Variants in TMEM176B observed in about 807,000 individuals in gnomAD.
The protein encoded by TMEM176B is transmembrane protein 176B, also known as LR8-like protein.
In TMEM176B, 28 loss-of-function variants were observed where a neutral mutation model predicts 30.3. The observed-to-expected ratio is 0.92, with a 90% CI of 0.68 to 1.27. The LOEUF is 1.27. Among genes scored for constraint, TMEM176B ranks in the 50% most tolerant of loss-of-function variants. TMEM176B has a pLI of 0.00. For synonymous variants in TMEM176B, 123 were observed against 130.3 expected (o/e 0.94, Z 0.38); for missense variants, 349 against 327.4 (o/e 1.07, Z -0.51).
intron 4 of TMEM176B, 52 bp from the exon 5 acceptor site, chr7:150,793,367 C>A: frequency 1.3e-6 from 2 of 1,558,388 alleles, no homozygotes; most frequent in South Asian, 2.3e-5. Flanking sequence ...GTGGAAGAGT[C>A]ATGAGGTCCC....
At chr7:150,792,278 G>T in intron 5 of TMEM176B, 103 bp from the exon 6 acceptor site, 1 of 1,474,116 alleles carries the variant, frequency 6.8e-7, no homozygotes, top group Non-Finnish European at 9.2e-7. Context: ...TATCCAGCTT[G>T]CTGCTCCCAC....
chr7:150,793,114 A>T lies in TMEM176B; in HGVS notation c.574T>A (p.Cys192Ser), dbSNP rs928182667. The change falls in exon 5 of 7, where the codon TGT (cysteine) becomes AGT (serine). Residue 192 changes from cysteine to serine, a missense_variant. Physicochemically the swap from Cys to Ser is moderately radical, Grantham distance 112 (BLOSUM62 -1). Transcript: ENST00000326442. ...SQENQWQKEE[C>S]RAYMQMLRKL... The stretch of plus-strand genomic sequence containing the variant: ...CTCAGCATCTGCATGTAAGCTCTAC[A>T]CTCCTCCTTCTGCCATTGGTTCTCT... 8 of 1,613,702 alleles carry T rather than the reference A, an allele frequency of 5.0e-6. No individual in the cohort carries two copies. The African/African-American group carries it at 9.4e-5, about 19-fold the overall frequency.
intron 1 of TMEM176B, 36 bp from the exon 2 acceptor site, chr7:150,796,610 G>C: frequency 6.2e-7 from 1 of 1,602,892 alleles, no homozygotes; most frequent in Non-Finnish European, 8.5e-7. Flanking sequence ...TGAGGTCTGG[G>C]AACTAGGCGA....
At chr7:150,792,203 T>C (rs747321431) in intron 5 of TMEM176B, 28 bp from the exon 6 acceptor site, 16 of 1,610,096 alleles carry the variant, frequency 9.9e-6, no homozygotes, top group Non-Finnish European at 1.3e-5. Flanking sequence ...ACAAAGATAG[T>C]CAGGTGTCAG....
chr7:150,791,378 C>T lies in TMEM176B; in HGVS notation c.*153G>A, dbSNP rs1287008804. On this transcript the variant is annotated 3_prime_UTR_variant, in exon 7 of 7. Coordinates refer to ENST00000326442, the MANE Select transcript of TMEM176B (RefSeq NM_001101312.2). ...ATATCTGTTCATGGACTTGAGAACC[C>T]CAGAGTGGGAACAGCAGGTGCGGAT... is the stretch of plus-strand genomic sequence containing the variant. The T allele has an allele frequency of 5.1e-6, 3 of 583,746 alleles. No individual in the cohort carries two copies. In the African/African-American group the frequency reaches 5.6e-5, roughly 11 times the overall value. 36.2% of individuals were successfully genotyped at this position (583,746 alleles called of 1,614,324 possible).
At position 150,793,353 on chromosome 7, in the gene TMEM176B, A is replaced by T. The variant is rs1445680121; in HGVS notation, c.373-38T>A. Reference sequence around the variant, plus strand: ...GAGGGTCATGACACACGCTCCTTCAATCGGTGGAAGAGTCATGAGGTCCCC... The same window carrying T: ...GAGGGTCATGACACACGCTCCTTCATTCGGTGGAAGAGTCATGAGGTCCCC... On this transcript the variant is annotated intron_variant, in intron 4 of 6. Transcript: ENST00000326442. 7 of 1,587,702 alleles carry T rather than the reference A, an allele frequency of 4.4e-6. 1 individual carries two copies. The highest frequency in any genetic ancestry group is 6.0e-6 in the Non-Finnish European group (7 of 1,162,320).
intron 1 of TMEM176B, among the ~76,000 whole-genome samples, chr7:150,799,723 G>T (rs759355086): frequency 6.6e-6 from 1 of 152,120 alleles, no homozygotes; most frequent in Non-Finnish European, 1.5e-5. Context: ...TTCCCTTGAC[G>T]GCCCAGGCCT....
intron 1 of TMEM176B, among the ~76,000 whole-genome samples, chr7:150,798,453 T>G (rs1798612968): frequency 6.6e-6 from 1 of 152,162 alleles, no homozygotes; most frequent in East Asian, 1.9e-4. Context: ...TTTTTTGTAT[T>G]TTTAGTAGAG....
chr7:150,791,712 G>T, intron 6 of TMEM176B, 89 bp from the exon 7 acceptor site: 1 of 1,230,176 alleles, frequency 8.1e-7, no homozygotes, highest in South Asian at 1.4e-5. Context: ...AAGAGGAAAG[G>T]AGGAGGGAAA....
At chr7:150,798,355 C>T (rs921180039) in intron 1 of TMEM176B, among the ~76,000 whole-genome samples, 3 of 152,162 alleles carry the variant, frequency 2.0e-5, no homozygotes, top group African/African-American at 7.2e-5. Context: ...GATCTCGGCT[C>T]ACTGCCAGCT....
At chr7:150,794,179 C>T in intron 2 of TMEM176B, 108 bp from the exon 3 acceptor site, 1 of 741,160 alleles carries the variant, frequency 1.3e-6, no homozygotes. Flanking sequence ...TCTCCTTTTC[C>T]TCTGCCTTGA....
chr7:150,791,991 C>T, intron 6 of TMEM176B, 65 bp downstream of exon 6: 1 of 1,605,940 alleles, frequency 6.2e-7, no homozygotes, highest in Non-Finnish European at 8.5e-7. Flanking sequence ...CCCCGCACTC[C>T]TACCTGTCCC....
chr7:150,793,900 AG>A, intron 3 of TMEM176B, 60 bp downstream of exon 3: 1 of 1,401,910 alleles, frequency 7.1e-7, no homozygotes, highest in Non-Finnish European at 9.8e-7. Context: ...AAGATCCATA[AG>A]CGCCTTCTTG....
rs1798390378 is a variant in TMEM176B, at chr7:150,793,292, G to T, written c.396C>A (p.Thr132=). 7.4e-6 allele frequency: 12 copies of T among 1,614,002 alleles called. No individual in the cohort carries two copies. The highest frequency in any genetic ancestry group is 3.3e-5 in the Admixed American group (2 of 59,996). The change falls in exon 5 of 7, where the codon ACC becomes ACA. Residue 132 remains threonine, a synonymous_variant. Coordinates refer to ENST00000326442, the MANE Select transcript of TMEM176B (RefSeq NM_001101312.2). ...KLAGYISSLL[T]LAGFATAMAA... The stretch of plus-strand genomic sequence containing the variant: ...CCATAGCTGTAGCAAAGCCTGCCAG[G>T]GTGAGCAGGCTGGATATATAGCCCT...
chr7:150,798,844 TG>T (rs1307831002), intron 1 of TMEM176B, among the ~76,000 whole-genome samples: 2 of 152,216 alleles, frequency 1.3e-5, no homozygotes, highest in South Asian at 2.1e-4. Context: ...CTTTTTTCTA[TG>T]GAAGTTCTTT....
In TMEM176B at chr7:150,791,473, G is replaced by C. The variant is rs767723598; in HGVS notation, c.*58C>G. Reference sequence around the variant, plus strand: ...AGGCAAGTGTGAGGAGCCAGGAGTGGGGGCCCTGGGCTGCCCTAGACAGGG... The same window carrying C: ...AGGCAAGTGTGAGGAGCCAGGAGTGCGGGCCCTGGGCTGCCCTAGACAGGG... On this transcript the variant is annotated 3_prime_UTR_variant, in exon 7 of 7. Transcript: ENST00000326442. 5.7e-5 allele frequency: 83 copies of C among 1,468,016 alleles called. No homozygotes were observed. Among genetic ancestry groups the C allele is most frequent in the Non-Finnish European group, 7.3e-5 (78 of 1,061,978 alleles). The allele number at this position is 1,468,016 out of a possible 1,614,324, so 90.9% of individuals were successfully genotyped here. A position where few individuals can be genotyped will look rare whatever the true frequency, so the allele number is the denominator to read the frequency against.
intron 5 of TMEM176B, among the ~76,000 whole-genome samples, chr7:150,792,874 T>C (rs1467485134): frequency 6.6e-6 from 1 of 152,206 alleles, no homozygotes; most frequent in Non-Finnish European, 1.5e-5. Context: ...CTCTCTGAAA[T>C]GTCTCCTCTT....
intron 2 of TMEM176B, 107 bp downstream of exon 2, chr7:150,796,259 T>C: frequency 3.6e-6 from 4 of 1,102,734 alleles, no homozygotes; most frequent in Non-Finnish European, 5.2e-6. Flanking sequence ...ATTGCAATTC[T>C]CTCCTCCCAA....
intron 1 of TMEM176B, among the ~76,000 whole-genome samples, chr7:150,799,127 G>A (rs924568783): frequency 2.6e-5 from 4 of 152,194 alleles, no homozygotes; most frequent in Admixed American, 1.3e-4. Flanking sequence ...AACCTTCGCC[G>A]TTGGGAGACA....
Sources: allele counts gnomAD v4.1 joint callset (sites outside exome capture counted in the v4.1 genomes callset), GRCh38; gene constraint gnomAD v4.1.1; transcripts MANE v1.5; gene names NCBI Gene and HGNC (gene_info 2026-07-23, HGNC 2026-07-21).